Variants in CSMD1 observed in about 807,000 individuals in gnomAD.
CSMD1 encodes CUB and Sushi multiple domains 1, also known as CUB and sushi domain-containing protein 1.
CSMD1 carries 213 observed loss-of-function variants against 417.5 expected under a neutral mutation model. That is an observed-to-expected ratio of 0.51 (90% CI 0.46 to 0.57). The LOEUF (loss-of-function observed/expected upper bound fraction) is 0.57, where lower values mean the gene tolerates loss of function less well. Among genes scored for constraint, CSMD1 ranks in the 20% least tolerant of loss-of-function variants. The pLI is 0.00. For synonymous variants in CSMD1, 2,862 were observed against 1,736.8 expected (o/e 1.65, Z -16.11); for missense variants, 6,923 against 4,529.7 (o/e 1.53, Z -15.17).
At chr8:4,232,897 AG>A (rs1442878888) in intron 3 of CSMD1, among the ~76,000 whole-genome samples, 11 of 152,148 alleles carry the variant, frequency 7.2e-5, no homozygotes, top group African/African-American at 2.7e-4. Context: ...AAGGAGGAAA[AG>A]GATATTGAAA....
At chr8:4,910,130 T>C (rs1013816838) in intron 1 of CSMD1, among the ~76,000 whole-genome samples, 1 of 152,196 alleles carries the variant, frequency 6.6e-6, no homozygotes, top group Non-Finnish European at 1.5e-5. Flanking sequence ...TTATATCAGT[T>C]TTAATGTTAT....
intron 3 of CSMD1, among the ~76,000 whole-genome samples, chr8:4,269,150 G>A (rs576435558): frequency 4.5e-4 from 69 of 152,218 alleles, no homozygotes; most frequent in Non-Finnish European, 9.3e-4. Flanking sequence ...TCTGTCTCCT[G>A]GGTTTAAACC....
chr8:4,742,192 G>A (rs942103887), intron 1 of CSMD1, among the ~76,000 whole-genome samples: 32 of 150,780 alleles, frequency 2.1e-4, no homozygotes, highest in East Asian at 3.9e-4. Context: ...CACCACGCCC[G>A]GCTAATTTTT....
chr8:3,087,638 A>G (rs1296977468), intron 48 of CSMD1, among the ~76,000 whole-genome samples: 3 of 152,256 alleles, frequency 2.0e-5, no homozygotes, highest in Admixed American at 2.0e-4. Flanking sequence ...ATGATAGCTA[A>G]GGAGCTATAA....
chr8:4,508,438 G>C (rs940623032), intron 2 of CSMD1, among the ~76,000 whole-genome samples: 9 of 152,106 alleles, frequency 5.9e-5, no homozygotes, highest in Non-Finnish European at 1.2e-4. Context: ...AACCCACTTA[G>C]ATACCAATGA....
intron 1 of CSMD1, among the ~76,000 whole-genome samples, chr8:4,790,302 T>A (rs1280333852): frequency 6.6e-6 from 1 of 151,904 alleles, no homozygotes; most frequent in Non-Finnish European, 1.5e-5. Context: ...ACCACGAGAA[T>A]TACAAAACAG....
chr8:4,913,569 C>T (rs1456890037), intron 1 of CSMD1, among the ~76,000 whole-genome samples: 1 of 152,192 alleles, frequency 6.6e-6, no homozygotes, highest in Middle Eastern at 3.2e-3. Flanking sequence ...CCAACATATG[C>T]GTCCACAGCT....
rs568937076 is a variant in CSMD1, at chr8:4,404,176, T to C, written c.415+15777A>G. 1.2e-4 allele frequency among the ~76,000 whole-genome samples: 18 copies of C among 152,318 alleles called. No homozygotes were observed. The East Asian group carries it at 1.7e-3, about 15-fold the overall frequency. On this transcript the variant is annotated intron_variant, in intron 3 of 69. Coordinates refer to ENST00000635120, the MANE Select transcript of CSMD1 (RefSeq NM_033225.6). ...GCTTTCCGGAACACTCTATTTAATA[T>C]TGAAACTCAACCTATAGCCTGACAA... is the stretch of plus-strand genomic sequence containing the variant.
intron 2 of CSMD1, among the ~76,000 whole-genome samples, chr8:4,612,880 A>G (rs1467276462): frequency 1.3e-5 from 2 of 152,176 alleles, no homozygotes; most frequent in African/African-American, 4.8e-5. Flanking sequence ...ATACTAGAAT[A>G]CTTTCTTATG....
At chr8:4,667,187 T>C (rs1804992927) in intron 1 of CSMD1, among the ~76,000 whole-genome samples, 1 of 152,202 alleles carries the variant, frequency 6.6e-6, no homozygotes, top group Non-Finnish European at 1.5e-5. Context: ...TTGTGGACTC[T>C]ATTTTGTTCC....
chr8:2,984,071 T>C (rs1440587778), intron 54 of CSMD1, among the ~76,000 whole-genome samples: 1 of 152,088 alleles, frequency 6.6e-6, no homozygotes, highest in African/African-American at 2.4e-5. Flanking sequence ...ACCAACTTAG[T>C]GCAAGTTCTG....
At chr8:4,959,190 C>T (rs1809318063) in intron 1 of CSMD1, among the ~76,000 whole-genome samples, 2 of 152,144 alleles carry the variant, frequency 1.3e-5, no homozygotes, top group Non-Finnish European at 2.9e-5. Flanking sequence ...CTTCCAAGTA[C>T]GTTCTGTTCA....
intron 5 of CSMD1, among the ~76,000 whole-genome samples, chr8:3,955,447 A>C (rs539049721): frequency 2.6e-5 from 4 of 152,172 alleles, no homozygotes; most frequent in African/African-American, 4.8e-5. Flanking sequence ...AGAATGAAAA[A>C]ATGTAGAAAT....
intron 2 of CSMD1, among the ~76,000 whole-genome samples, chr8:4,585,799 T>A (rs1189834441): frequency 6.6e-6 from 1 of 152,174 alleles, no homozygotes; most frequent in Non-Finnish European, 1.5e-5. Flanking sequence ...TTAAGTTAAA[T>A]TAAATCTGAG....
At chr8:3,458,829 T>C (rs1480735386) in intron 12 of CSMD1, among the ~76,000 whole-genome samples, 1 of 152,144 alleles carries the variant, frequency 6.6e-6, no homozygotes, top group Admixed American at 6.5e-5. Flanking sequence ...TTGAATAAAA[T>C]GGGGCTCTTT....
At chr8:4,471,415 T>C (rs992678905) in intron 2 of CSMD1, among the ~76,000 whole-genome samples, 3 of 152,112 alleles carry the variant, frequency 2.0e-5, no homozygotes, top group African/African-American at 7.2e-5. Flanking sequence ...TACAGGTAGA[T>C]TACCCAAGTG....
At chr8:4,917,708 T>C (rs1282743495) in intron 1 of CSMD1, among the ~76,000 whole-genome samples, 3 of 152,068 alleles carry the variant, frequency 2.0e-5, no homozygotes, top group Non-Finnish European at 4.4e-5. Flanking sequence ...ACAAACCGTA[T>C]CAGTGGGAAC....
chr8:2,961,334 G>C lies in CSMD1; in HGVS notation c.9629-120C>G. On this transcript the variant is annotated intron_variant, in intron 61 of 69. Transcript: ENST00000635120. Reference sequence around the variant, plus strand: ...AAATATTGTTTTGAGAAATGTGCAAGATGTTTTTCAGGAAAGTTAAAAATT... The same window carrying C: ...AAATATTGTTTTGAGAAATGTGCAACATGTTTTTCAGGAAAGTTAAAAATT... 3 of 475,324 alleles carry C rather than the reference G, an allele frequency of 6.3e-6. 1 individual carries two copies. The South Asian group carries it at 1.1e-4, about 18-fold the overall frequency. The allele number at this position is 475,324 out of a possible 1,614,324, so 29.4% of individuals were successfully genotyped here. A position where few individuals can be genotyped will look rare whatever the true frequency, so the allele number is the denominator to read the frequency against.
intron 3 of CSMD1, among the ~76,000 whole-genome samples, chr8:4,195,207 G>A (rs1295141070): frequency 6.6e-6 from 1 of 152,090 alleles, no homozygotes; most frequent in East Asian, 1.9e-4. Context: ...CTAAAACCTT[G>A]GGTGCATACA....
Sources: allele counts gnomAD v4.1 joint callset (sites outside exome capture counted in the v4.1 genomes callset), GRCh38; gene constraint gnomAD v4.1.1; transcripts MANE v1.5; gene names NCBI Gene and HGNC (gene_info 2026-07-23, HGNC 2026-07-21).